Variants in AUTS2 observed in about 807,000 individuals in gnomAD.
AUTS2 encodes autism susceptibility gene 2 protein.
AUTS2 carries 17 observed loss-of-function variants against 112.4 expected under a neutral mutation model. The observed-to-expected ratio is 0.15, with a 90% CI of 0.10 to 0.23. The LOEUF (loss-of-function observed/expected upper bound fraction) is 0.23, where lower values mean the gene tolerates loss of function less well. Among genes scored for constraint, AUTS2 ranks in the 10% least tolerant of loss-of-function variants. The probability of loss-of-function intolerance (pLI) is 1.00; values close to 1 mark genes in which losing one functional copy is unlikely to be tolerated. For missense variants in AUTS2, 1,510 were observed against 1,701.6 expected (o/e 0.89, Z 1.98); for synonymous variants, 751 against 702.7 (o/e 1.07, Z -1.09).
intron 4 of AUTS2, among the ~76,000 whole-genome samples, chr7:70,295,681 A>G (rs1788901335): frequency 6.6e-6 from 1 of 152,166 alleles, no homozygotes; most frequent in African/African-American, 2.4e-5. Context: ...ACCCATTCAT[A>G]GGCAGTAGCC....
chr7:70,490,420 T>C (rs2116398190), intron 5 of AUTS2, among the ~76,000 whole-genome samples: 2 of 151,748 alleles, frequency 1.3e-5, no homozygotes, highest in South Asian at 4.2e-4. Flanking sequence ...GAGTTGCTAG[T>C]TCTGTGTGGG....
intron 4 of AUTS2, among the ~76,000 whole-genome samples, chr7:70,231,645 A>G (rs1277692425): frequency 6.6e-5 from 10 of 151,882 alleles, no homozygotes; most frequent in Non-Finnish European, 1.2e-4. Context: ...GCGTTTCGCC[A>G]TGTTAGCCAG....
chr7:70,085,369 C>CTT (rs200850139), intron 2 of AUTS2, among the ~76,000 whole-genome samples: 4 of 142,238 alleles, frequency 2.8e-5, no homozygotes, highest in Non-Finnish European at 4.7e-5. Flanking sequence ...TTTTTGCATA[C>CTT]TTTTTTTTTT....
rs199500874 is a variant in AUTS2, at chr7:70,790,045, C to T, written c.2829C>T (p.Tyr943=). ...AKQLARVPSP[Y]VRTPVVESAR... Reference sequence around the variant, plus strand: ...AGCTGGCCCGGGTGCCGTCTCCCTACGTGCGGACCCCGGTGGTGGAGAGTG... The same window carrying T: ...AGCTGGCCCGGGTGCCGTCTCCCTATGTGCGGACCCCGGTGGTGGAGAGTG... Residue 943 remains tyrosine, a synonymous_variant, in exon 19 of 19, where the codon TAC becomes TAT. Coordinates refer to ENST00000342771, the MANE Select transcript of AUTS2 (RefSeq NM_015570.4). The surrounding 1 kb of genome is among the most constrained non-coding windows in gnomAD (Gnocchi z 7.6). The T allele has an allele frequency of 2.1e-5, 33 of 1,580,340 alleles. No homozygotes were observed. The Admixed American group carries it at 4.1e-4, about 20-fold the overall frequency.
At chr7:70,657,708 C>T (rs1806846499) in intron 5 of AUTS2, among the ~76,000 whole-genome samples, 1 of 152,184 alleles carries the variant, frequency 6.6e-6, no homozygotes, top group South Asian at 2.1e-4. Flanking sequence ...TGACCTGTAG[C>T]TGTCATCAGG....
At chr7:70,528,803 A>G (rs1799960649) in intron 5 of AUTS2, among the ~76,000 whole-genome samples, 1 of 146,128 alleles carries the variant, frequency 6.8e-6, no homozygotes. Flanking sequence ...GCAAGATCTC[A>G]TCTTAAAAAA....
chr7:70,405,092 G>A (rs1315193775), intron 4 of AUTS2, among the ~76,000 whole-genome samples: 3 of 152,152 alleles, frequency 2.0e-5, no homozygotes, highest in Non-Finnish European at 4.4e-5. Context: ...AAACCTCTTT[G>A]GTTAGCACAA....
intron 1 of AUTS2, among the ~76,000 whole-genome samples, chr7:69,769,804 G>A (rs1469231150): frequency 6.6e-6 from 1 of 152,204 alleles, no homozygotes; most frequent in Non-Finnish European, 1.5e-5. Flanking sequence ...TGCATTAGGA[G>A]GGTCCAGTGA....
At chr7:69,743,021 G>C (rs965552577) in intron 1 of AUTS2, among the ~76,000 whole-genome samples, 6 of 152,272 alleles carry the variant, frequency 3.9e-5, no homozygotes, top group Admixed American at 3.9e-4. Context: ...AGAGTTGGTG[G>C]CTCTTGCTTG....
chr7:70,434,950 C>CT (rs373553265), intron 4 of AUTS2, among the ~76,000 whole-genome samples: 1 of 152,044 alleles, frequency 6.6e-6, no homozygotes, highest in Non-Finnish European at 1.5e-5. Context: ...AAGTTGTGTT[C>CT]TTTTTTCCCT....
chr7:70,310,952 T>C (rs1002895208), intron 4 of AUTS2, among the ~76,000 whole-genome samples: 2 of 152,190 alleles, frequency 1.3e-5, no homozygotes, highest in Non-Finnish European at 2.9e-5. Context: ...TTAGTTTGGC[T>C]CTCTTGGCTT....
At chr7:70,351,158 C>T (rs1791739875) in intron 4 of AUTS2, among the ~76,000 whole-genome samples, 1 of 151,716 alleles carries the variant, frequency 6.6e-6, no homozygotes. Context: ...TCAAGCGATT[C>T]TCCTTCCTCA....
intron 1 of AUTS2, among the ~76,000 whole-genome samples, chr7:69,714,508 G>C (rs192582730): frequency 6.6e-6 from 1 of 152,120 alleles, no homozygotes; most frequent in African/African-American, 2.4e-5. Flanking sequence ...TCAAAAATTA[G>C]TTGTCTATAT....
At chr7:70,521,740 G>A (rs1469469360) in intron 5 of AUTS2, among the ~76,000 whole-genome samples, 1 of 152,158 alleles carries the variant, frequency 6.6e-6, no homozygotes, top group Non-Finnish European at 1.5e-5. Context: ...CCAAAAGTGG[G>A]GGAAGGCCTT....
intron 2 of AUTS2, among the ~76,000 whole-genome samples, chr7:70,053,465 T>A (rs1240473726): frequency 1.3e-5 from 2 of 152,182 alleles, no homozygotes; most frequent in South Asian, 4.2e-4. Context: ...ATAGTACATC[T>A]TCTTTGGCAT....
chr7:70,280,377 G>A (rs1185307222), intron 4 of AUTS2, among the ~76,000 whole-genome samples: 2 of 149,076 alleles, frequency 1.3e-5, no homozygotes, highest in Non-Finnish European at 3.0e-5. Flanking sequence ...TCTGCCTCCC[G>A]GGTTCAAGCG....
chr7:70,461,433 A>G (rs1468373396), intron 5 of AUTS2, among the ~76,000 whole-genome samples: 3 of 152,140 alleles, frequency 2.0e-5, no homozygotes, highest in African/African-American at 2.4e-5. Flanking sequence ...CTTAGTTACC[A>G]AAGGCTGATG....
chr7:70,578,757 T>A (rs12531987), intron 5 of AUTS2, among the ~76,000 whole-genome samples: 11,768 of 152,224 alleles, frequency 0.077, 525 homozygotes, highest in Middle Eastern at 0.13. Flanking sequence ...TGATTTGGTT[T>A]TTTTTAATTA....
intron 2 of AUTS2, among the ~76,000 whole-genome samples, chr7:70,116,783 T>A (rs79041303): frequency 1.3e-5 from 2 of 152,232 alleles, no homozygotes; most frequent in African/African-American, 4.8e-5. Context: ...ATCACTTCTC[T>A]GAACCTCCCT....
Sources: gnomAD v4.1 joint callset for allele counts (sites outside exome capture counted in the v4.1 genomes callset) on GRCh38, gnomAD v4.1.1 for gene constraint, Gnocchi (gnomAD v3.1) non-coding constraint, MANE v1.5 for transcripts, NCBI Gene and HGNC (gene_info 2026-07-23, HGNC 2026-07-21) for gene names.